The following ROCK2 variants were observed in gnomAD, a reference collection of about 807,000 sequenced individuals.
ROCK2 encodes the protein rho-associated protein kinase 2.
Under a neutral mutation model 195.1 loss-of-function variants are expected in ROCK2, and 61 were observed. That is an observed-to-expected ratio of 0.31 (90% CI 0.25 to 0.39). The LOEUF (loss-of-function observed/expected upper bound fraction) is 0.39, where lower values mean the gene tolerates loss of function less well. Ranked by LOEUF, ROCK2 falls within the 10% of genes least tolerant of loss-of-function variation. The pLI, the probability that ROCK2 is intolerant of heterozygous loss-of-function variation, is 1.00. For synonymous variants in ROCK2, 504 were observed against 545.5 expected (o/e 0.92, Z 1.06); for missense variants, 1,109 against 1,637.4 (o/e 0.68, Z 5.57).
At chr2:11,236,011 A>T (rs1315363800) in intron 4 of ROCK2, 49 bp from the exon 5 acceptor site, 1 of 1,426,732 alleles carries the variant, frequency 7.0e-7, no homozygotes, top group Non-Finnish European at 9.3e-7. Context: ...CAAACCAAAA[A>T]TCATAATCAG....
chr2:11,189,972 G>C (rs1402015396), intron 32 of ROCK2, among the ~76,000 whole-genome samples: 1 of 152,060 alleles, frequency 6.6e-6, no homozygotes, highest in East Asian at 1.9e-4. Flanking sequence ...TCCAGCCTGG[G>C]CAACAGAGTG....
Position 11,272,169 on chromosome 2 carries a change from T to C in ROCK2, c.324+14370A>G, listed in dbSNP as rs2148167187. ...TAAACTGACAGGAAAGTTAAGACAT[T>C]AACAGATAAACAAAAATTAAGGGAG... On this transcript the variant is annotated intron_variant, in intron 3 of 32. Transcript: ENST00000315872. Among the ~76,000 whole-genome samples, 2 of 152,282 alleles carry C rather than the reference T, an allele frequency of 1.3e-5. 1 individual carries two copies. The highest frequency in any genetic ancestry group is 4.1e-4 in the South Asian group (2 of 4,822).
Position 11,328,305 on chromosome 2 carries a change from TG to T in ROCK2, c.141+15690del, listed in dbSNP as rs1553319491. 6.7e-4 allele frequency among the ~76,000 whole-genome samples: 102 copies of T among 151,876 alleles called. 2 individuals are homozygous for T. The South Asian group carries it at 0.02, about 30-fold the overall frequency. On this transcript the variant is annotated intron_variant, in intron 1 of 32. Coordinates refer to ENST00000315872, the MANE Select transcript of ROCK2 (RefSeq NM_004850.5). ...TATGTGCCAAATAATATGCTACATT[TG>T]GGGGGGGAAACAGGCTAATATCAGA...
At chr2:11,263,994 CAT>C (rs1666330226) in intron 3 of ROCK2, among the ~76,000 whole-genome samples, 1 of 139,922 alleles carries the variant, frequency 7.1e-6, no homozygotes, top group African/African-American at 2.6e-5. Context: ...AAAAAAAAAA[CAT>C]GTATGCTAAA....
At chr2:11,210,279 G>A (rs1266999775) in intron 18 of ROCK2, among the ~76,000 whole-genome samples, 2 of 150,838 alleles carry the variant, frequency 1.3e-5, no homozygotes, top group Non-Finnish European at 1.5e-5. Flanking sequence ...CATAATGTAG[G>A]CATTGAGAAT....
chr2:11,261,816 C>T (rs1466123385), intron 3 of ROCK2, among the ~76,000 whole-genome samples: 1 of 152,156 alleles, frequency 6.6e-6, no homozygotes, highest in Non-Finnish European at 1.5e-5. Flanking sequence ...CAGAGCAAGA[C>T]TCTGTCTTAA....
In ROCK2 at chr2:11,320,551, C is replaced by T. The variant is rs531747525; in HGVS notation, c.141+23445G>A. On this transcript the variant is annotated intron_variant, in intron 1 of 32. Transcript: ENST00000315872. ...TAAATACCTTACATAAATTATGAAG[C>T]GATAAAATTATTTAATATAGGTCTT... Among the ~76,000 whole-genome samples, 5 of 152,190 alleles carry T rather than the reference C, an allele frequency of 3.3e-5. No individual in the cohort carries two copies. In the East Asian group the frequency reaches 9.6e-4, roughly 29 times the overall value.
At chr2:11,316,688 A>G (rs1209951869) in intron 1 of ROCK2, among the ~76,000 whole-genome samples, 1 of 152,182 alleles carries the variant, frequency 6.6e-6, no homozygotes, top group East Asian at 1.9e-4. Flanking sequence ...TACAAAAAGT[A>G]AATTTCTTTA....
At chr2:11,302,910 T>G (rs1362744810) in intron 1 of ROCK2, among the ~76,000 whole-genome samples, 3 of 152,182 alleles carry the variant, frequency 2.0e-5, no homozygotes, top group African/African-American at 7.2e-5. Flanking sequence ...ATATATCTAT[T>G]GAACAGTATC....
At chr2:11,292,770 G>C (rs1667400709) in intron 1 of ROCK2, among the ~76,000 whole-genome samples, 1 of 152,122 alleles carries the variant, frequency 6.6e-6, no homozygotes, top group African/African-American at 2.4e-5. Context: ...AGTTGATATG[G>C]TTTGGATTTT....
At chr2:11,216,124 C>A (rs1340877369) in intron 13 of ROCK2, 34 bp downstream of exon 13, 2 of 1,579,518 alleles carry the variant, frequency 1.3e-6, no homozygotes, top group Non-Finnish European at 1.7e-6. Context: ...TTTTTACTAA[C>A]AAAAATGTTA....
intron 3 of ROCK2, among the ~76,000 whole-genome samples, chr2:11,262,359 C>G (rs1359226845): frequency 3.3e-5 from 5 of 151,922 alleles, no homozygotes. Context: ...CTTTCTGAAG[C>G]TAATATGTAG....
intron 3 of ROCK2, among the ~76,000 whole-genome samples, chr2:11,254,440 G>A (rs568741122): frequency 6.6e-6 from 1 of 152,116 alleles, no homozygotes; most frequent in Admixed American, 6.5e-5. Flanking sequence ...GCAAGGAGAG[G>A]GAGATCCCTA....
rs114034444 is a variant in ROCK2 at position 11,290,954 on chromosome 2, G to T, written c.142-3218C>A. ...CGGCTAGCCCAGTTACATCTCTAAG[G>T]TTACCAGCTGAGAAACGTGAATTAG... is the stretch of plus-strand genomic sequence containing the variant. On this transcript the variant is annotated intron_variant, in intron 1 of 32. Transcript: ENST00000315872. 1.9e-3 allele frequency among the ~76,000 whole-genome samples: 284 copies of T among 151,898 alleles called. 1 individual carries two copies. Among genetic ancestry groups the T allele is most frequent in the African/African-American group, 6.5e-3 (271 of 41,416 alleles).
chr2:11,208,352 C>A lies in ROCK2; in HGVS notation c.2299G>T (p.Asp767Tyr). 1.3e-6 allele frequency: 2 copies of A among 1,522,340 alleles called. No individual in the cohort carries two copies. The highest frequency in any genetic ancestry group is 1.8e-5 in the Admixed American group (1 of 56,202). The allele number at this position is 1,522,340 out of a possible 1,614,324, so 94.3% of individuals were successfully genotyped here. Reference protein sequence around the residue: ...AEKRCSLLDCDLKQSQQKINE... With the variant: ...AEKRCSLLDCYLKQSQQKINE... Reference sequence around the variant, plus strand: ...ATTTTCTGCTGTGACTGTTTGAGGTCACAGTCTAATAGAGAACATCTTTTC... The same window carrying A: ...ATTTTCTGCTGTGACTGTTTGAGGTAACAGTCTAATAGAGAACATCTTTTC... The change falls in exon 19 of 33, where the codon GAC becomes TAC. Residue 767 changes from aspartate to tyrosine, a missense_variant. Physicochemically the swap from Asp to Tyr is radical, Grantham distance 160 (BLOSUM62 -3). Around this residue, in one of 6 missense-constraint regions of ROCK2, gnomAD observed 542 missense variants for 672.0 expected, o/e 0.81. Coordinates refer to ENST00000315872, the MANE Select transcript of ROCK2 (RefSeq NM_004850.5).
intron 9 of ROCK2, 41 bp from the exon 10 acceptor site, chr2:11,219,067 T>G: frequency 3.5e-6 from 4 of 1,131,384 alleles, no homozygotes; most frequent in Non-Finnish European, 5.1e-6. Context: ...TTCATTTCAT[T>G]TTAATCTATG....
At chr2:11,184,809 T>C (rs1663132436) in intron 32 of ROCK2, 1 of 951,822 alleles carries the variant, frequency 1.1e-6, no homozygotes, top group Non-Finnish European at 1.3e-6. Context: ...CTAACACTCT[T>C]TAGAAACTGT....
chr2:11,282,232 T>C (rs945837938), intron 3 of ROCK2, among the ~76,000 whole-genome samples: 1 of 151,990 alleles, frequency 6.6e-6, no homozygotes, highest in Non-Finnish European at 1.5e-5. Context: ...ACGCTTGTAG[T>C]CCCAGCTACT....
At chr2:11,251,339 A>C (rs1448581741) in intron 3 of ROCK2, among the ~76,000 whole-genome samples, 1 of 152,258 alleles carries the variant, frequency 6.6e-6, no homozygotes, top group Non-Finnish European at 1.5e-5. Flanking sequence ...TGCTGAAAGA[A>C]CAGATTTACT....
Sources: gnomAD v4.1 joint callset for allele counts (sites outside exome capture counted in the v4.1 genomes callset) on GRCh38, gnomAD v4.1.1 for gene constraint, gnomAD v4.1.1 regional missense constraint, MANE v1.5 for transcripts, NCBI Gene and HGNC (gene_info 2026-07-23, HGNC 2026-07-21) for gene names.